The following MACROH2A1 variants were observed in gnomAD, a reference collection of about 807,000 sequenced individuals.
MACROH2A1 encodes the protein core histone macro-H2A.1.
A neutral mutation model predicts 31.6 loss-of-function variants in MACROH2A1; 2 were observed. That is an observed-to-expected ratio of 0.06 (90% confidence interval 0.03 to 0.20). The LOEUF (loss-of-function observed/expected upper bound fraction) is 0.20, where lower values mean the gene tolerates loss of function less well. Ranked by LOEUF, MACROH2A1 falls within the 10% of genes least tolerant of loss-of-function variation. The pLI is 1.00. For missense variants in MACROH2A1, 230 were observed against 474.0 expected (o/e 0.49, Z 4.78); for synonymous variants, 169 against 189.6 (o/e 0.89, Z 0.89).
rs1302609590 is a variant in MACROH2A1 at position 135,398,894 on chromosome 5, G to A, written c.-34+168C>T. Among the ~76,000 whole-genome samples the A allele has an allele frequency of 1.3e-5, 2 of 151,704 alleles. No homozygotes were observed. The highest frequency in any genetic ancestry group is 2.4e-5 in the African/African-American group (1 of 41,490). On this transcript the variant is annotated intron_variant, in intron 1 of 8. Coordinates refer to ENST00000511689, the MANE Select transcript of MACROH2A1 (RefSeq NM_138610.3). The surrounding 1 kb of genome is among the most constrained non-coding windows in gnomAD (Gnocchi z 4.6). ...CGCGCGGCCCGACAAGGCCTGGGAG[G>A]ACGTAGTGCACGCGCGAGGACCCGG...
chr5:135,344,167 G>C (rs971285899), intron 7 of MACROH2A1: 1 of 152,614 alleles, frequency 6.6e-6, no homozygotes, highest in Non-Finnish European at 1.5e-5. Context: ...AAGGACACAG[G>C]CCTGGGGTCT....
chr5:135,341,446 G>A (rs1416663334), intron 8 of MACROH2A1, among the ~76,000 whole-genome samples: 1 of 152,122 alleles, frequency 6.6e-6, no homozygotes, highest in South Asian at 2.1e-4. Flanking sequence ...TGGGGGTGGC[G>A]GCGGGTGGCG....
Position 135,386,871 on chromosome 5 carries a change from T to C in MACROH2A1, c.172+2051A>G, listed in dbSNP as rs376502874. ...GACACTGAGGTTGTACTTGACCTAA[T>C]GATGGTGTCTGTGAACACCCCAGGA... On this transcript the variant is annotated intron_variant, in intron 2 of 8. Transcript: ENST00000511689. Among the ~76,000 whole-genome samples, 27 of 152,338 alleles carry C rather than the reference T, an allele frequency of 1.8e-4. No individual in the cohort carries two copies. In the South Asian group the frequency reaches 5.6e-3, roughly 32 times the overall value.
intron 1 of MACROH2A1, among the ~76,000 whole-genome samples, chr5:135,389,806 G>C (rs906649188): frequency 1.3e-5 from 2 of 152,134 alleles, no homozygotes; most frequent in African/African-American, 4.8e-5. Flanking sequence ...TCCAGTGATG[G>C]GATCCTGGTC....
intron 1 of MACROH2A1, among the ~76,000 whole-genome samples, chr5:135,390,065 G>A (rs1440097320): frequency 6.6e-6 from 1 of 152,200 alleles, no homozygotes; most frequent in African/African-American, 2.4e-5. Context: ...GCTTTGCCTT[G>A]GGCCACCTGT....
chr5:135,345,208 G>GTT (rs1252159506), intron 7 of MACROH2A1: 7 of 152,232 alleles, frequency 4.6e-5, no homozygotes, highest in Non-Finnish European at 7.3e-5. Flanking sequence ...ATTTGTCACT[G>GTT]GGAATAGAGG....
intron 5 of MACROH2A1, chr5:135,356,009 G>A (rs554216966): frequency 6.6e-6 from 1 of 152,304 alleles, no homozygotes; most frequent in South Asian, 2.1e-4. Context: ...AAATTAGTCT[G>A]ATTTTCTGGG....
At chr5:135,352,846 G>A (rs1761742609) in intron 6 of MACROH2A1, 100 bp downstream of exon 6, 2 of 736,168 alleles carry the variant, frequency 2.7e-6, no homozygotes, top group South Asian at 3.0e-5. Flanking sequence ...TGGAAATTTG[G>A]CTTGACCACT....
At chr5:135,399,359 C>T (rs1170083031), upstream of MACROH2A1, 1 of 152,346 alleles carries the variant, frequency 6.6e-6, no homozygotes, top group Non-Finnish European at 1.5e-5. The surrounding 1 kb of genome is among the most constrained non-coding windows in gnomAD (Gnocchi z 4.5). Flanking sequence ...GGGCCCGCGC[C>T]CTACCCGTTG....
At chr5:135,373,558 G>T (rs985664827) in intron 2 of MACROH2A1, among the ~76,000 whole-genome samples, 1 of 152,154 alleles carries the variant, frequency 6.6e-6, no homozygotes, top group Admixed American at 6.5e-5. Flanking sequence ...CTATTCAACT[G>T]GGAATCAGGG....
chr5:135,389,537 T>C (rs1766908709), intron 1 of MACROH2A1, among the ~76,000 whole-genome samples: 1 of 152,224 alleles, frequency 6.6e-6, no homozygotes, highest in African/African-American at 2.4e-5. Flanking sequence ...GGCAGATACC[T>C]AGATTCTCTG....
At chr5:135,396,679 C>A (rs1380169251) in intron 1 of MACROH2A1, among the ~76,000 whole-genome samples, 8 of 152,014 alleles carry the variant, frequency 5.3e-5, no homozygotes, top group African/African-American at 1.9e-4. Context: ...TACGTGGGGC[C>A]TTTTGCACTG....
At chr5:135,374,437 G>A (rs946678696) in intron 2 of MACROH2A1, among the ~76,000 whole-genome samples, 1 of 152,174 alleles carries the variant, frequency 6.6e-6, no homozygotes, top group South Asian at 2.1e-4. Flanking sequence ...ATAATATGGA[G>A]GGCAAAGTCA....
chr5:135,374,594 C>T (rs1430643261), intron 2 of MACROH2A1, among the ~76,000 whole-genome samples: 1 of 152,188 alleles, frequency 6.6e-6, no homozygotes, highest in African/African-American at 2.4e-5. Context: ...GTGAATGGAG[C>T]CGATGCCTTC....
chr5:135,391,835 T>C (rs1436152987), intron 1 of MACROH2A1, among the ~76,000 whole-genome samples: 1 of 152,210 alleles, frequency 6.6e-6, no homozygotes, highest in Non-Finnish European at 1.5e-5. Flanking sequence ...CCTCCCTGCG[T>C]TGGTTCAGCC....
Position 135,369,565 on chromosome 5 carries a change from T to C in MACROH2A1, c.318A>G (p.Leu106=). The C allele has an allele frequency of 6.2e-7, 1 of 1,614,026 alleles. No individual in the cohort carries two copies. The highest frequency in any genetic ancestry group is 1.3e-5 in the African/African-American group (1 of 75,008). ...KGVTIASGGV[L]PNIHPELLAK... ...CTAGCAACTCGGGGTGGATGTTGGG[T>C]AACACACCCCCACTGGCTATGGTGA... is the stretch of plus-strand genomic sequence containing the variant. Residue 106 remains leucine (L), a synonymous_variant, in exon 4 of 9, where the codon TTA becomes TTG. Coordinates refer to ENST00000511689, the MANE Select transcript of MACROH2A1 (RefSeq NM_138610.3). This position sits in a 1 kb window ranked among gnomAD's most constrained non-coding sequence, Gnocchi z 4.3.
At chr5:135,366,128 A>G (rs182069269) in intron 4 of MACROH2A1, among the ~76,000 whole-genome samples, 3 of 152,330 alleles carry the variant, frequency 2.0e-5, no homozygotes, top group Non-Finnish European at 4.4e-5. Context: ...GCCTTTTGCC[A>G]TGATTCTAAG....
At chr5:135,347,060 C>A (rs1021882175) in intron 6 of MACROH2A1, 2 of 152,204 alleles carry the variant, frequency 1.3e-5, no homozygotes, top group Admixed American at 6.5e-5. Flanking sequence ...CACAAGAGGA[C>A]AAAATACTCC....
intron 5 of MACROH2A1, chr5:135,358,582 G>A: frequency 1.0e-6 from 1 of 985,322 alleles, no homozygotes; most frequent in South Asian, 4.7e-5. Context: ...ATTTTATACT[G>A]GGTGGCAGCT....
Sources: gnomAD v4.1 joint callset for allele counts (sites outside exome capture counted in the v4.1 genomes callset) on GRCh38, gnomAD v4.1.1 for gene constraint, Gnocchi (gnomAD v3.1) non-coding constraint, MANE v1.5 for transcripts, NCBI Gene and HGNC (gene_info 2026-07-23, HGNC 2026-07-21) for gene names.